MLH3: variants seen among roughly 807,000 people sequenced by gnomAD.
The protein encoded by MLH3 is mutL homolog 3, also known as DNA mismatch repair protein Mlh3.
In MLH3, 82 loss-of-function variants were observed where a neutral mutation model predicts 122.2. The observed-to-expected ratio is 0.67, with a 90% CI of 0.56 to 0.81. The LOEUF is 0.81. Among genes scored for constraint, MLH3 ranks in the 30% least tolerant of loss-of-function variants. MLH3 has a pLI of 0.00. For missense variants in MLH3, 1,539 were observed against 1,714.5 expected, an observed-to-expected ratio of 0.90 and a Z score of 1.81; for synonymous variants, 524 against 599.5, an observed-to-expected ratio of 0.87 and a Z score of 1.84.
intron 6 of MLH3, chr14:75,036,891 A>G (rs1323945031): frequency 5.0e-6 from 2 of 400,490 alleles, no homozygotes; most frequent in East Asian, 1.4e-4. Context: ...ACCATGTCTC[A>G]GATATTGCAA....
In MLH3 at chr14:75,046,806, A is replaced by G. The variant is rs762525606; in HGVS notation, c.2850T>C (p.Asn950=). 1 of 1,614,102 alleles carries G rather than the reference A, an allele frequency of 6.2e-7. No homozygotes were observed. The highest frequency in any genetic ancestry group is 8.5e-7 in the Non-Finnish European group (1 of 1,179,976). Reference sequence around the variant, plus strand: ...TATTGCTGTTAGAATGTGTTTTACTATTTTTATTAAAGGAATTATCCTGTG... The same window carrying G: ...TATTGCTGTTAGAATGTGTTTTACTGTTTTTATTAAAGGAATTATCCTGTG... The part of the protein sequence containing the change: ...SATQDNSFNK[N]SKTHSNSNTT... Residue 950 remains asparagine, a synonymous_variant, in exon 2 of 13, where the codon AAT becomes AAC. Transcript: ENST00000355774.
At position 75,047,799 on chromosome 14, in the gene MLH3, T is replaced by C. The variant is rs1447040409; in HGVS notation, c.1857A>G (p.Lys619=). 2.5e-6 allele frequency: 4 copies of C among 1,613,948 alleles called. No individual in the cohort carries two copies. The African/African-American group carries it at 5.3e-5, about 22-fold the overall frequency. ...ITHVVQNEKT[K]STETEHSFKN... is the part of the protein sequence containing the mutation. ...TAAATGAATGTTCTGTTTCAGTTGATTTAGTTTTTTCATTTTGTACTACAT... is the reference window on the plus strand; with the variant it reads ...TAAATGAATGTTCTGTTTCAGTTGACTTAGTTTTTTCATTTTGTACTACAT... Residue 619 remains lysine (K), a synonymous_variant, in exon 2 of 13, where the codon AAA becomes AAG. Transcript: ENST00000355774.
At chr14:75,021,640 C>A (rs1164250856) in intron 11 of MLH3, among the ~76,000 whole-genome samples, 1 of 152,166 alleles carries the variant, frequency 6.6e-6, no homozygotes, top group Non-Finnish European at 1.5e-5. Context: ...CCATCTCACA[C>A]CAGTCAGAAT....
In MLH3 at chr14:75,033,456, A is replaced by C. The variant is rs775754795; in HGVS notation, c.3678T>G (p.Ala1226=). The C allele has an allele frequency of 3.0e-5, 48 of 1,614,082 alleles. 1 individual carries two copies. The South Asian group carries it at 5.1e-4, about 17-fold the overall frequency. ...GNLLVLVDQH[A]AHERIRLEQL... ...GCTCCAGACGTATACGCTCATGGGCAGCGTGCTGATCCACCAGCACGAGCA... is the reference window on the plus strand; with the variant it reads ...GCTCCAGACGTATACGCTCATGGGCCGCGTGCTGATCCACCAGCACGAGCA... The change falls in exon 7 of 13, where the codon GCT becomes GCG. Residue 1226 remains alanine (A), a synonymous_variant. Coordinates refer to ENST00000355774, the MANE Select transcript of MLH3 (RefSeq NM_001040108.2).
At chr14:75,043,021 C>G (rs527817828) in intron 2 of MLH3, among the ~76,000 whole-genome samples, 2 of 152,284 alleles carry the variant, frequency 1.3e-5, no homozygotes, top group East Asian at 1.9e-4. Flanking sequence ...TGTGATCCAC[C>G]CGCCTCGGCC....
intron 10 of MLH3, 37 bp from the exon 11 acceptor site, chr14:75,022,929 C>CG: frequency 1.2e-6 from 2 of 1,613,644 alleles, no homozygotes; most frequent in Non-Finnish European, 8.5e-7. Flanking sequence ...GAAAAGAAAA[C>CG]GGAACAACGA....
At position 75,030,581 on chromosome 14, in the gene MLH3, G is replaced by T. The variant is rs1174331638; in HGVS notation, c.3949C>A (p.Arg1317=). Residue 1317 remains arginine, a synonymous_variant, in exon 9 of 13, where the codon CGG becomes AGG. Coordinates refer to ENST00000355774, the MANE Select transcript of MLH3 (RefSeq NM_001040108.2). ...TTGGTCACAGTAGATCTTCCTCTCCGAAGTTCATTGGCTTCTCTTTCCACA... is the reference window on the plus strand; with the variant it reads ...TTGGTCACAGTAGATCTTCCTCTCCTAAGTTCATTGGCTTCTCTTTCCACA... The part of the protein sequence containing the change: ...CFVEREANEL[R]RGRSTVTKSI... The T allele has an allele frequency of 6.2e-7, 1 of 1,614,052 alleles. No homozygotes were observed. The highest frequency in any genetic ancestry group is 1.3e-5 in the African/African-American group (1 of 75,016).
At chr14:75,023,493 C>T (rs1190575863) in intron 9 of MLH3, among the ~76,000 whole-genome samples, 1 of 152,206 alleles carries the variant, frequency 6.6e-6, no homozygotes, top group African/African-American at 2.4e-5. Context: ...AGTAAACAGT[C>T]ACTTTAGTTC....
intron 9 of MLH3, among the ~76,000 whole-genome samples, chr14:75,023,961 A>G (rs1450548463): frequency 2.0e-5 from 3 of 152,144 alleles, no homozygotes; most frequent in Non-Finnish European, 2.9e-5. Context: ...TAAAAATCAC[A>G]TGTTTTCCCA....
Position 75,014,469 on chromosome 14 carries a change from G to A in MLH3, c.*2613C>T. ...TCTCTAGTCTTAATTCTGATAGTGGGACTGCTAGCTCCTCTTCTTTCAATA... is the reference window on the plus strand; with the variant it reads ...TCTCTAGTCTTAATTCTGATAGTGGAACTGCTAGCTCCTCTTCTTTCAATA... On this transcript the variant is annotated 3_prime_UTR_variant, in exon 13 of 13. Transcript: ENST00000355774. 5.4e-6 allele frequency: 1 copy of A among 186,868 alleles called. No individual in the cohort carries two copies. The highest frequency in any genetic ancestry group is 2.0e-4 in the South Asian group (1 of 5,106). 11.6% of individuals were successfully genotyped at this position (186,868 alleles called of 1,614,324 possible). A position where few individuals can be genotyped will look rare whatever the true frequency, so the allele number is the denominator to read the frequency against.
chr14:75,030,702 C>T lies in MLH3; in HGVS notation c.3828G>A (p.Trp1276Ter), dbSNP rs2139388090. Reference sequence around the variant, plus strand: ...GATCTTCCAGATTTTTGTGGTAACACCTAAAGAGATAACCTCAAATGTTAA... The same window carrying T: ...GATCTTCCAGATTTTTGTGGTAACATCTAAAGAGATAACCTCAAATGTTAA... ...TVTEEQRRLLWCYHKNLEDLG... is the reference protein window; with the variant it reads ...TVTEEQRRLL The change falls in exon 9 of 13, where the codon TGG becomes TGA. Residue 1276 changes from tryptophan (W) to a stop codon, truncating the protein, a stop_gained and splice_region_variant. Transcript: ENST00000355774. LOFTEE classifies it high-confidence loss of function. 1 of 1,612,556 alleles carries T rather than the reference C, an allele frequency of 6.2e-7. No homozygotes were observed. Among genetic ancestry groups the T allele is most frequent in the East Asian group, 2.2e-5 (1 of 44,846 alleles).
rs377662571 is a variant in MLH3 at position 75,032,110 on chromosome 14, G to A, written c.3785C>T (p.Pro1262Leu). Reference protein sequence around the residue: ...KKLLSSTLIPPLEITVTEEQR... With the variant: ...KKLLSSTLIPLLEITVTEEQR... The stretch of plus-strand genomic sequence containing the variant: ...TTCCTCTGTCACTGTTATCTCTAGC[G>A]GAGGAATTAGAGTAGAAGACAGTAA... The change falls in exon 8 of 13, where the codon CCG becomes CTG. Residue 1262 changes from proline to leucine, a missense_variant. Pro to Leu is a moderately conservative substitution (Grantham distance 98). Transcript: ENST00000355774. 34 of 1,613,536 alleles carry A rather than the reference G, an allele frequency of 2.1e-5. No homozygotes were observed. The highest frequency in any genetic ancestry group is 8.9e-5 in the East Asian group (4 of 44,880).
In MLH3 at chr14:75,015,905, C is replaced by A. The variant is rs1889859946; in HGVS notation, c.*1177G>T. 1.3e-5 allele frequency: 3 copies of A among 230,838 alleles called. No individual in the cohort carries two copies. Among genetic ancestry groups the A allele is most frequent in the Non-Finnish European group, 2.6e-5 (3 of 116,692 alleles). 14.3% of individuals were successfully genotyped at this position (230,838 alleles called of 1,614,324 possible). A position where few individuals can be genotyped will look rare whatever the true frequency, so the allele number is the denominator to read the frequency against. On this transcript the variant is annotated 3_prime_UTR_variant, in exon 13 of 13. Coordinates refer to ENST00000355774, the MANE Select transcript of MLH3 (RefSeq NM_001040108.2). Reference sequence around the variant, plus strand: ...GAAAATCATTCAATTGATATAAAAGCCACTTTGAGCAGGCTGGTCAGGAAA... The same window carrying A: ...GAAAATCATTCAATTGATATAAAAGACACTTTGAGCAGGCTGGTCAGGAAA...
chr14:75,030,300 C>T (rs974993838), intron 9 of MLH3, among the ~76,000 whole-genome samples: 2 of 152,270 alleles, frequency 1.3e-5, no homozygotes, highest in South Asian at 2.1e-4. Flanking sequence ...TTTTCATTAC[C>T]TTTATCACTG....
At chr14:75,032,012 C>T in intron 8 of MLH3, 56 bp downstream of exon 8, 1 of 1,119,746 alleles carries the variant, frequency 8.9e-7, no homozygotes, top group South Asian at 1.2e-5. Flanking sequence ...TTATTCCTCA[C>T]AGAATTATTG....
At chr14:75,022,772 G>T in intron 11 of MLH3, 42 bp downstream of exon 11, 1 of 1,563,568 alleles carries the variant, frequency 6.4e-7, no homozygotes, top group South Asian at 1.1e-5. Flanking sequence ...CCAGGGCTCT[G>T]CATGCAGAGG....
At position 75,049,246 on chromosome 14, in the gene MLH3, A is replaced by C. The variant is rs774230303; in HGVS notation, c.410T>G (p.Val137Gly). 5.6e-6 allele frequency: 9 copies of C among 1,614,092 alleles called. No homozygotes were observed. The South Asian group carries it at 8.8e-5, about 16-fold the overall frequency. ...GKALKACEAD[V>G]TRASAGTTVT... ...AGTAGTCCCAGCGCTTGCTCTAGTCACATCAGCTTCACAAGCTTTCAGGGC... is the reference window on the plus strand; with the variant it reads ...AGTAGTCCCAGCGCTTGCTCTAGTCCCATCAGCTTCACAAGCTTTCAGGGC... The change falls in exon 2 of 13, where the codon GTG becomes GGG. Residue 137 changes from valine to glycine, a missense_variant. By Grantham distance (109) the Val-to-Gly change is moderately radical. Coordinates refer to ENST00000355774, the MANE Select transcript of MLH3 (RefSeq NM_001040108.2).
At chr14:75,044,243 A>G (rs75945805) in intron 2 of MLH3, among the ~76,000 whole-genome samples, 8 of 152,198 alleles carry the variant, frequency 5.3e-5, no homozygotes, top group Admixed American at 2.0e-4. Context: ...TTCTATACCA[A>G]AAATATTTTT....
At position 75,042,404 on chromosome 14, in the gene MLH3, C is replaced by A; in HGVS notation, c.3354G>T (p.Arg1118Ser). The change falls in exon 3 of 13, where the codon AGG (arginine) becomes AGT (serine). Residue 1118 changes from arginine to serine, a missense_variant. Transcript: ENST00000355774. ...CTCTGTTATCCTGTCTCATCACAGTCCTCTCTGCTCGAGCTCTCGGAAGGA... is the reference window on the plus strand; with the variant it reads ...CTCTGTTATCCTGTCTCATCACAGTACTCTCTGCTCGAGCTCTCGGAAGGA... ...LPFLPRARAE[R>S]TVMRQDNRDT... The A allele has an allele frequency of 6.2e-7, 1 of 1,614,178 alleles. No individual in the cohort carries two copies. The highest frequency in any genetic ancestry group is 8.5e-7 in the Non-Finnish European group (1 of 1,180,006).
Sources: gnomAD v4.1 joint callset for allele counts (sites outside exome capture counted in the v4.1 genomes callset) on GRCh38, gnomAD v4.1.1 for gene constraint, MANE v1.5 for transcripts, NCBI Gene and HGNC (gene_info 2026-07-23, HGNC 2026-07-21) for gene names.